Variants in ELOVL7 observed in about 807,000 individuals in gnomAD.
ELOVL7 encodes the protein ELOVL fatty acid elongase 7.
In ELOVL7, 27 loss-of-function variants were observed where a neutral mutation model predicts 35.7. The ratio of observed to expected loss-of-function variants is 0.76; its 90% CI spans 0.56 to 1.04. The LOEUF (loss-of-function observed/expected upper bound fraction) is 1.04. Ranked by LOEUF, ELOVL7 falls within the 50% of genes least tolerant of loss-of-function variation. The pLI is 0.00. For synonymous variants in ELOVL7, 113 were observed against 114.6 expected, an observed-to-expected ratio of 0.99 and a Z score of 0.09; for missense variants, 327 against 340.8, an observed-to-expected ratio of 0.96 and a Z score of 0.32.
In ELOVL7 at chr5:60,762,703, A is replaced by G. The variant is rs559032996; in HGVS notation, c.499+1524T>C. 2.3e-4 allele frequency among the ~76,000 whole-genome samples: 35 copies of G among 152,344 alleles called. No homozygotes were observed. In the South Asian group the frequency reaches 7.2e-3, roughly 32 times the overall value. On this transcript the variant is annotated intron_variant, in intron 7 of 8. Transcript: ENST00000508821. ...AGGATGTGAAAGCACCTTTTCTAGCATACTTTAAAAATAGAATAGTCATCT... is the reference window on the plus strand; with the variant it reads ...AGGATGTGAAAGCACCTTTTCTAGCGTACTTTAAAAATAGAATAGTCATCT...
intron 1 of ELOVL7, among the ~76,000 whole-genome samples, chr5:60,839,292 A>G (rs1181419534): frequency 6.6e-6 from 1 of 152,084 alleles, no homozygotes; most frequent in Non-Finnish European, 1.5e-5. Flanking sequence ...GGTTGCAGTG[A>G]GGCAAGATCG....
At position 60,754,799 on chromosome 5, in the gene ELOVL7, T is replaced by C. The variant is rs748545912; in HGVS notation, c.671A>G (p.Gln224Arg). 7.4e-6 allele frequency: 12 copies of C among 1,614,064 alleles called. No individual in the cohort carries two copies. The highest frequency in any genetic ancestry group is 1.6e-4 in the Middle Eastern group (1 of 6,062). ...QFVIVAIHISQFFFMEDCKYQ... is the reference protein window; with the variant it reads ...QFVIVAIHISRFFFMEDCKYQ... ...CTTGCAATCCTCCATGAAAAAGAAC[T>C]GGCTTATGTGGATGGCGACAATAAC... The change falls in exon 9 of 9, where the codon CAG (glutamine) becomes CGG (arginine). Residue 224 changes from glutamine (Q) to arginine (R), a missense_variant. Coordinates refer to ENST00000508821, the MANE Select transcript of ELOVL7 (RefSeq NM_024930.3).
chr5:60,806,143 T>C (rs1744912671), intron 1 of ELOVL7, among the ~76,000 whole-genome samples: 1 of 152,088 alleles, frequency 6.6e-6, no homozygotes, highest in African/African-American at 2.4e-5. Context: ...CACCCACCTA[T>C]AAGCCAAGGG....
intron 1 of ELOVL7, among the ~76,000 whole-genome samples, chr5:60,804,701 T>C (rs1427368226): frequency 2.6e-5 from 4 of 152,178 alleles, no homozygotes; most frequent in African/African-American, 9.7e-5. Context: ...AAATATCTGC[T>C]GAATGAATTT....
chr5:60,800,798 C>A (rs1250114997), intron 1 of ELOVL7, among the ~76,000 whole-genome samples: 1 of 152,202 alleles, frequency 6.6e-6, no homozygotes, highest in African/African-American at 2.4e-5. Context: ...TTCATGGGTT[C>A]TGCATCCATG....
At chr5:60,760,482 G>A (rs1741837781) in intron 7 of ELOVL7, among the ~76,000 whole-genome samples, 1 of 152,020 alleles carries the variant, frequency 6.6e-6, no homozygotes, top group African/African-American at 2.4e-5. Context: ...TTTTTGATGG[G>A]GTTGTTTGTT....
intron 1 of ELOVL7, among the ~76,000 whole-genome samples, chr5:60,836,050 G>A (rs1329595962): frequency 2.6e-5 from 4 of 151,824 alleles, no homozygotes; most frequent in Non-Finnish European, 5.9e-5. Context: ...AGATGTCAAC[G>A]GTATTGTATT....
chr5:60,785,386 T>C (rs1055258496), intron 3 of ELOVL7, among the ~76,000 whole-genome samples: 14 of 152,248 alleles, frequency 9.2e-5, no homozygotes, highest in Non-Finnish European at 2.9e-5. Flanking sequence ...TATTAAGGCA[T>C]TTTTAACTTC....
At chr5:60,813,828 TTAGA>T (rs1295094587) in intron 1 of ELOVL7, among the ~76,000 whole-genome samples, 2 of 152,148 alleles carry the variant, frequency 1.3e-5, no homozygotes, top group African/African-American at 2.4e-5. Flanking sequence ...GTCTTTTCTC[TTAGA>T]TAGTTAGCTG....
chr5:60,817,858 A>G (rs527701273), intron 1 of ELOVL7, among the ~76,000 whole-genome samples: 7 of 147,242 alleles, frequency 4.8e-5, no homozygotes, highest in Admixed American at 4.1e-4. Context: ...GTATATATAT[A>G]TATATATATA....
At chr5:60,800,679 GA>G (rs1357238071) in intron 1 of ELOVL7, among the ~76,000 whole-genome samples, 2 of 152,168 alleles carry the variant, frequency 1.3e-5, no homozygotes, top group African/African-American at 4.8e-5. Flanking sequence ...GTCTCATTCT[GA>G]AGTCTCTTCT....
intron 3 of ELOVL7, among the ~76,000 whole-genome samples, chr5:60,779,872 T>C (rs1266387194): frequency 6.6e-6 from 1 of 152,198 alleles, no homozygotes. Context: ...CTTTGCCACT[T>C]AGAAATTTCT....
At chr5:60,774,191 A>G (rs1359830587) in intron 3 of ELOVL7, among the ~76,000 whole-genome samples, 1 of 152,134 alleles carries the variant, frequency 6.6e-6, no homozygotes, top group Non-Finnish European at 1.5e-5. Flanking sequence ...CAACAACAAC[A>G]ATGACAAAAA....
intron 7 of ELOVL7, among the ~76,000 whole-genome samples, chr5:60,758,489 A>G (rs139524591): frequency 7.2e-5 from 11 of 152,324 alleles, no homozygotes; most frequent in Non-Finnish European, 1.5e-4. Context: ...GAATTTAATT[A>G]ATTATTGTTT....
At chr5:60,807,176 T>C (rs900423218) in intron 1 of ELOVL7, among the ~76,000 whole-genome samples, 2 of 151,816 alleles carry the variant, frequency 1.3e-5, no homozygotes, top group African/African-American at 4.8e-5. Flanking sequence ...TTTTTTTTTC[T>C]CCAGGTGGTG....
At chr5:60,798,500 T>A (rs994998708) in intron 2 of ELOVL7, among the ~76,000 whole-genome samples, 2 of 152,144 alleles carry the variant, frequency 1.3e-5, no homozygotes, top group Non-Finnish European at 2.9e-5. Context: ...TGGACTAAAA[T>A]AGTTTTCTAC....
intron 1 of ELOVL7, among the ~76,000 whole-genome samples, chr5:60,831,888 A>G (rs1746502097): frequency 6.6e-6 from 1 of 152,154 alleles, no homozygotes; most frequent in African/African-American, 2.4e-5. Context: ...CAACTGCATT[A>G]CCTAGATTTT....
intron 1 of ELOVL7, among the ~76,000 whole-genome samples, chr5:60,810,076 A>T (rs1745158959): frequency 6.6e-6 from 1 of 152,232 alleles, no homozygotes; most frequent in Non-Finnish European, 1.5e-5. Flanking sequence ...GAAAAAACAA[A>T]CTTTATCTTG....
At chr5:60,809,857 G>C (rs1745146298) in intron 1 of ELOVL7, among the ~76,000 whole-genome samples, 1 of 152,146 alleles carries the variant, frequency 6.6e-6, no homozygotes, top group Non-Finnish European at 1.5e-5. Flanking sequence ...GGTTGATTCT[G>C]ATTATGGAAA....
Sources: gnomAD v4.1 joint callset for allele counts (sites outside exome capture counted in the v4.1 genomes callset) on GRCh38, gnomAD v4.1.1 for gene constraint, MANE v1.5 for transcripts, NCBI Gene and HGNC (gene_info 2026-07-23, HGNC 2026-07-21) for gene names.